BCAP29: variants seen among roughly 807,000 people sequenced by gnomAD.
BCAP29 encodes the protein B cell receptor associated protein 29.
BCAP29 carries 34 observed loss-of-function variants against 31.8 expected under a neutral mutation model. The ratio of observed to expected loss-of-function variants is 1.07; its 90% CI spans 0.81 to 1.42. The LOEUF (loss-of-function observed/expected upper bound fraction) is 1.42, where lower values mean the gene tolerates loss of function less well. Ranked by LOEUF, BCAP29 falls within the 40% of genes most tolerant of loss-of-function variation. The probability of loss-of-function intolerance (pLI) is 0.00; values close to 1 mark genes in which losing one functional copy is unlikely to be tolerated. For missense variants in BCAP29, 314 were observed against 269.2 expected, an observed-to-expected ratio of 1.17 and a Z score of -1.16; for synonymous variants, 104 against 91.3, an observed-to-expected ratio of 1.14 and a Z score of -0.79.
intron 3 of BCAP29, among the ~76,000 whole-genome samples, chr7:107,588,651 C>T (rs187629152): frequency 3.3e-5 from 5 of 152,216 alleles, no homozygotes; most frequent in Admixed American, 3.3e-4. Flanking sequence ...GCCTTTCTTC[C>T]AACCGCTTTC....
intron 6 of BCAP29, among the ~76,000 whole-genome samples, chr7:107,602,803 A>G (rs559819952): frequency 4.2e-4 from 64 of 152,174 alleles, no homozygotes; most frequent in African/African-American, 1.5e-3. Flanking sequence ...TCCTATTTTG[A>G]CCAAAGTTTG....
Position 107,594,275 on chromosome 7 carries a change from A to G in BCAP29, c.344+170A>G, listed in dbSNP as rs73419491. On this transcript the variant is annotated intron_variant, in intron 4 of 7. Transcript: ENST00000005259. The stretch of plus-strand genomic sequence containing the variant: ...GCCTTCATAGCTCACTGTAACTTCA[A>G]ACTCCTGGGTTCAAGTGATCCTGCC... 3.5e-3 allele frequency: 2,106 copies of G among 603,568 alleles called. 26 individuals are homozygous for G. The African/African-American group carries it at 0.035, about 10-fold the overall frequency. 37.4% of individuals were successfully genotyped at this position (603,568 alleles called of 1,614,324 possible).
At chr7:107,609,966 C>T (rs552679626) in intron 6 of BCAP29, among the ~76,000 whole-genome samples, 1 of 152,216 alleles carries the variant, frequency 6.6e-6, no homozygotes, top group Non-Finnish European at 1.5e-5. Context: ...ACTTCCATTT[C>T]CTGGCAGAGC....
chr7:107,598,943 A>G (rs1201624447), intron 5 of BCAP29, among the ~76,000 whole-genome samples: 1 of 146,484 alleles, frequency 6.8e-6, no homozygotes, highest in East Asian at 2.0e-4. Context: ...GCACGCACAT[A>G]TATGTGCACA....
intron 7 of BCAP29, chr7:107,615,500 G>C (rs935611197): frequency 3.0e-6 from 1 of 336,382 alleles, no homozygotes; most frequent in Non-Finnish European, 5.9e-6. Context: ...GGAGGCTGAG[G>C]CAGGAGAATC....
chr7:107,607,425 A>G (rs2129276175), intron 6 of BCAP29, among the ~76,000 whole-genome samples: 1 of 152,280 alleles, frequency 6.6e-6, no homozygotes, highest in African/African-American at 2.4e-5. Flanking sequence ...GTTATAGGGA[A>G]GACGAGGACT....
At chr7:107,584,011 A>C in intron 3 of BCAP29, 29 bp downstream of exon 3, 1 of 1,276,148 alleles carries the variant, frequency 7.8e-7, no homozygotes, top group Non-Finnish European at 1.1e-6. Flanking sequence ...CTTTGAATAA[A>C]TATAACTTTT....
At chr7:107,582,138 T>C (rs1806798070) in intron 2 of BCAP29, among the ~76,000 whole-genome samples, 1 of 152,242 alleles carries the variant, frequency 6.6e-6, no homozygotes, top group African/African-American at 2.4e-5. Flanking sequence ...AAAGATTTTG[T>C]ATATAAACAT....
chr7:107,597,133 TA>T (rs1304008699), intron 5 of BCAP29, among the ~76,000 whole-genome samples: 1 of 152,174 alleles, frequency 6.6e-6, no homozygotes, highest in Non-Finnish European at 1.5e-5. Context: ...ACAAAGGCCA[TA>T]AGTGAGAATA....
chr7:107,596,173 A>G (rs989898168), intron 5 of BCAP29, among the ~76,000 whole-genome samples, 171 bp downstream of exon 5: 16 of 152,166 alleles, frequency 1.1e-4, no homozygotes, highest in African/African-American at 3.9e-4. Context: ...TTCTTTAGAA[A>G]TGCTTGTTCA....
At chr7:107,603,122 G>A (rs530909464) in intron 6 of BCAP29, among the ~76,000 whole-genome samples, 10 of 151,566 alleles carry the variant, frequency 6.6e-5, no homozygotes, top group South Asian at 4.2e-4. Context: ...GGCGCCTGCC[G>A]CCACGCCTGG....
At position 107,619,055 on chromosome 7, in the gene BCAP29, T is replaced by C. The variant is rs1488175825; in HGVS notation, c.*692T>C. On this transcript the variant is annotated 3_prime_UTR_variant, in exon 8 of 8. Coordinates refer to ENST00000005259, the MANE Select transcript of BCAP29 (RefSeq NM_018844.4). Reference sequence around the variant, plus strand: ...TTCAAGTTAATCTAGTAATAGAGCTTACATATATTTGTATAACTGCTATAC... The same window carrying C: ...TTCAAGTTAATCTAGTAATAGAGCTCACATATATTTGTATAACTGCTATAC... The C allele has an allele frequency of 6.5e-6, 1 of 153,032 alleles. No homozygotes were observed. The highest frequency in any genetic ancestry group is 1.5e-5 in the Non-Finnish European group (1 of 68,372). 9.5% of individuals were successfully genotyped at this position (153,032 alleles called of 1,614,324 possible).
intron 6 of BCAP29, among the ~76,000 whole-genome samples, chr7:107,607,890 G>A (rs926721670): frequency 7.9e-5 from 12 of 151,794 alleles, no homozygotes; most frequent in African/African-American, 2.7e-4. Context: ...CGCCTGCCTC[G>A]GCCTCCCAAA....
At chr7:107,603,051 G>A (rs1162525434) in intron 6 of BCAP29, among the ~76,000 whole-genome samples, 1 of 136,822 alleles carries the variant, frequency 7.3e-6, no homozygotes, top group Non-Finnish European at 1.5e-5. Context: ...CTCACTGCAA[G>A]CTCTGCCTCC....
At chr7:107,622,028 A>T (rs1815019675), downstream of BCAP29, 2 of 448,602 alleles carry the variant, frequency 4.5e-6, no homozygotes, top group Non-Finnish European at 9.1e-6. Flanking sequence ...GATAAGTCAA[A>T]GATAGCCTTA....
At chr7:107,611,040 T>G (rs575696129) in intron 6 of BCAP29, among the ~76,000 whole-genome samples, 2 of 152,290 alleles carry the variant, frequency 1.3e-5, no homozygotes, top group Non-Finnish European at 2.9e-5. Flanking sequence ...AGGGCCTGTT[T>G]CGTGATTCGT....
downstream of BCAP29, chr7:107,623,139 C>G (rs1007906798): frequency 4.6e-5 from 7 of 152,138 alleles, no homozygotes; most frequent in Admixed American, 2.0e-4. Context: ...GTCCCTGACG[C>G]CATAAGCACC....
At chr7:107,618,203 T>C (rs1406933220) in intron 7 of BCAP29, 125 bp from the exon 8 acceptor site, 2 of 678,526 alleles carry the variant, frequency 2.9e-6, no homozygotes, top group Non-Finnish European at 4.5e-6. Flanking sequence ...CTCAATCCTT[T>C]TTTTCACATT....
chr7:107,604,594 A>G (rs2129269620), intron 6 of BCAP29, among the ~76,000 whole-genome samples: 1 of 152,054 alleles, frequency 6.6e-6, no homozygotes, highest in South Asian at 2.1e-4. Flanking sequence ...TTTTACTTAC[A>G]GTTATATCAA....
Sources: gnomAD v4.1 joint callset for allele counts (sites outside exome capture counted in the v4.1 genomes callset) on GRCh38, gnomAD v4.1.1 for gene constraint, MANE v1.5 for transcripts, NCBI Gene and HGNC (gene_info 2026-07-23, HGNC 2026-07-21) for gene names.